DENND1A: variants seen among roughly 807,000 people sequenced by gnomAD.
The protein encoded by DENND1A is DENN domain containing 1A.
Under a neutral mutation model 113.7 loss-of-function variants are expected in DENND1A, and 51 were observed. The ratio of observed to expected loss-of-function variants is 0.45; its 90% confidence interval spans 0.36 to 0.57. The LOEUF (loss-of-function observed/expected upper bound fraction) is 0.57, where lower values mean the gene tolerates loss of function less well. DENND1A is among the 20% of genes least tolerant of loss of function. DENND1A has a pLI of 0.00. For synonymous variants in DENND1A, 565 were observed against 570.8 expected, an observed-to-expected ratio of 0.99 and a Z score of 0.14; for missense variants, 1,258 against 1,395.9, an observed-to-expected ratio of 0.90 and a Z score of 1.57.
intron 13 of DENND1A, among the ~76,000 whole-genome samples, chr9:123,489,299 C>T (rs1564585978): frequency 2.0e-5 from 3 of 152,206 alleles, no homozygotes; most frequent in East Asian, 1.9e-4. Flanking sequence ...GGAGGCACTC[C>T]GTGTGAGCCG....
At chr9:123,681,429 C>CA (rs1408075493) in intron 5 of DENND1A, among the ~76,000 whole-genome samples, 1 of 152,078 alleles carries the variant, frequency 6.6e-6, no homozygotes, top group East Asian at 1.9e-4. Flanking sequence ...ACAGTTCAAA[C>CA]AGTAGCACAT....
chr9:123,695,527 C>T (rs1361242552), intron 5 of DENND1A, among the ~76,000 whole-genome samples: 2 of 152,068 alleles, frequency 1.3e-5, no homozygotes, highest in Non-Finnish European at 2.9e-5. Flanking sequence ...CTAGAGAACT[C>T]TGACTAATAC....
intron 2 of DENND1A, among the ~76,000 whole-genome samples, chr9:123,810,878 C>G (rs1388180976): frequency 6.6e-6 from 1 of 151,888 alleles, no homozygotes; most frequent in African/African-American, 2.4e-5. Flanking sequence ...CCTGCCTCAG[C>G]CTCCTGAGTA....
rs72419269 is a variant in DENND1A, at chr9:123,779,872, C to CTTTTTTTTTTTTTTTTTTTTTTTTT, written c.133-10310_133-10309insAAAAAAAAAAAAAAAAAAAAAAAAA. 1.4e-5 allele frequency among the ~76,000 whole-genome samples: 2 copies of CTTTTTTTTTTTTTTTTTTTTTTTTT among 143,878 alleles called. 1 individual carries two copies. The highest frequency in any genetic ancestry group is 5.6e-5 in the African/African-American group (2 of 35,984). 94.4% of individuals were successfully genotyped at this position (143,878 alleles called of 152,430 possible). On this transcript the variant is annotated intron_variant, in intron 3 of 23. Coordinates refer to ENST00000394215, the MANE Select transcript of DENND1A (RefSeq NM_001352964.2). ...CCTTTCACATTCCACTTGCATGAGACTTTTTTTTGAGACGGAGTCTCGCTC... is the reference window on the plus strand; with the variant it reads ...CCTTTCACATTCCACTTGCATGAGACTTTTTTTTTTTTTTTTTTTTTTTTTTTTTTTTTGAGACGGAGTCTCGCTC...
At chr9:123,465,981 A>G (rs1181453722) in intron 13 of DENND1A, among the ~76,000 whole-genome samples, 1 of 151,862 alleles carries the variant, frequency 6.6e-6, no homozygotes, top group Non-Finnish European at 1.5e-5. Flanking sequence ...AACTAACGCC[A>G]TTGTTTTTAT....
chr9:123,773,129 G>C (rs73667923), intron 3 of DENND1A, among the ~76,000 whole-genome samples: 2,469 of 152,258 alleles, frequency 0.016, 73 homozygotes, highest in African/African-American at 0.057. Context: ...AGAAATAAGA[G>C]CAGAGGGGGC....
chr9:123,912,896 A>C (rs1854289185), intron 1 of DENND1A, among the ~76,000 whole-genome samples: 1 of 151,994 alleles, frequency 6.6e-6, no homozygotes, highest in Admixed American at 6.6e-5. Context: ...TGGGAGCAAG[A>C]ATAAGGCATT....
intron 5 of DENND1A, among the ~76,000 whole-genome samples, chr9:123,707,025 T>G (rs768826859): frequency 2.0e-5 from 3 of 152,132 alleles, no homozygotes; most frequent in Non-Finnish European, 4.4e-5. Context: ...GCTATTTAAT[T>G]CTGGGAGTTG....
chr9:123,624,554 C>T (rs1323513192), intron 10 of DENND1A, among the ~76,000 whole-genome samples: 6 of 152,146 alleles, frequency 3.9e-5, no homozygotes, highest in African/African-American at 1.4e-4. Flanking sequence ...AGTTCTTTCA[C>T]GGAAACAAGA....
chr9:123,534,718 A>G (rs1453271267), intron 13 of DENND1A, among the ~76,000 whole-genome samples: 1 of 152,228 alleles, frequency 6.6e-6, no homozygotes, highest in Admixed American at 6.5e-5. Context: ...TTCCTTGATT[A>G]TCAGTTGAGT....
At chr9:123,545,888 C>G (rs2056644365) in intron 13 of DENND1A, among the ~76,000 whole-genome samples, 2 of 152,116 alleles carry the variant, frequency 1.3e-5, no homozygotes, top group Non-Finnish European at 2.9e-5. Flanking sequence ...GAAAGATTTC[C>G]TTTTCAGAGT....
intron 2 of DENND1A, among the ~76,000 whole-genome samples, chr9:123,806,859 CT>C (rs1332435372): frequency 6.6e-6 from 1 of 152,204 alleles, no homozygotes; most frequent in Non-Finnish European, 1.5e-5. Flanking sequence ...TCAAATACCT[CT>C]TTTGGCAACA....
At chr9:123,410,874 G>C (rs1047143044) in intron 20 of DENND1A, among the ~76,000 whole-genome samples, 6 of 152,268 alleles carry the variant, frequency 3.9e-5, no homozygotes, top group Admixed American at 3.3e-4. Flanking sequence ...CCATCGAAAG[G>C]TCCTGGATGG....
intron 3 of DENND1A, among the ~76,000 whole-genome samples, chr9:123,785,490 A>AC (rs1554754829): frequency 2.0e-5 from 3 of 151,660 alleles, no homozygotes; most frequent in Non-Finnish European, 4.4e-5. Flanking sequence ...GTGATAGACT[A>AC]TTTTTTTTTA....
At position 123,423,277 on chromosome 9, in the gene DENND1A, G is replaced by A. The variant is rs192112374; in HGVS notation, c.1489-11448C>T. Among the ~76,000 whole-genome samples the A allele has an allele frequency of 7.9e-4, 120 of 152,262 alleles. 1 individual carries two copies. Among genetic ancestry groups the A allele is most frequent in the South Asian group, 1.9e-3 (9 of 4,818 alleles). On this transcript the variant is annotated intron_variant, in intron 19 of 23. Transcript: ENST00000394215. ...GAGTCCCCTGGAAAGGCAACTCACC[G>A]GCCCCTTTTGCAAGCCAAAGTGAAT...
At chr9:123,691,813 C>T (rs2065209044) in intron 5 of DENND1A, among the ~76,000 whole-genome samples, 1 of 152,080 alleles carries the variant, frequency 6.6e-6, no homozygotes, top group Non-Finnish European at 1.5e-5. Context: ...TGAAAGTCCT[C>T]AAGGAAGAAG....
intron 5 of DENND1A, among the ~76,000 whole-genome samples, chr9:123,693,649 C>T (rs2065311567): frequency 6.6e-6 from 1 of 151,940 alleles, no homozygotes; most frequent in South Asian, 2.1e-4. Flanking sequence ...CAATGAAGGA[C>T]AAGTTTTCAT....
At chr9:123,825,887 C>T (rs759007791) in intron 2 of DENND1A, among the ~76,000 whole-genome samples, 8 of 152,194 alleles carry the variant, frequency 5.3e-5, no homozygotes, top group South Asian at 2.1e-4. Flanking sequence ...ATGCAAGTGG[C>T]CTGTGCCAAT....
At chr9:123,706,874 T>A (rs540636261) in intron 5 of DENND1A, among the ~76,000 whole-genome samples, 1 of 151,316 alleles carries the variant, frequency 6.6e-6, no homozygotes, top group African/African-American at 2.4e-5. Context: ...TGCCCTTAAC[T>A]GAGATGGGGA....
Sources: allele counts gnomAD v4.1 joint callset (sites outside exome capture counted in the v4.1 genomes callset), GRCh38; gene constraint gnomAD v4.1.1; transcripts MANE v1.5; gene names NCBI Gene and HGNC (gene_info 2026-07-23, HGNC 2026-07-21).